CPEB1: variants seen among roughly 807,000 people sequenced by gnomAD.
CPEB1 encodes the protein cytoplasmic polyadenylation element binding protein 1, also known as cytoplasmic polyadenylation element-binding protein 1.
A neutral mutation model predicts 65.8 loss-of-function variants in CPEB1; 7 were observed. The observed-to-expected ratio is 0.11, with a 90% CI of 0.06 to 0.20. The LOEUF (loss-of-function observed/expected upper bound fraction) is 0.20, where lower values mean the gene tolerates loss of function less well. Ranked by LOEUF, CPEB1 falls within the 10% of genes least tolerant of loss-of-function variation. The probability of loss-of-function intolerance (pLI) is 1.00; values close to 1 mark genes in which losing one functional copy is unlikely to be tolerated. For synonymous variants in CPEB1, 262 were observed against 260.0 expected (o/e 1.01, Z -0.08); for missense variants, 551 against 712.2 (o/e 0.77, Z 2.58).
At chr15:82,641,009 G>A (rs143070603) in intron 1 of CPEB1, 4 of 152,074 alleles carry the variant, frequency 2.6e-5, no homozygotes, top group African/African-American at 9.7e-5. Context: ...TTTACAAATA[G>A]TACTAGTCTA....
intron 1 of CPEB1, among the ~76,000 whole-genome samples, chr15:82,631,653 G>A (rs969109207): frequency 6.6e-6 from 1 of 152,100 alleles, no homozygotes. Flanking sequence ...CTTGAGGAAG[G>A]ATCTATTGGC....
At chr15:82,629,950 T>G (rs2046100778) in intron 1 of CPEB1, 1 of 985,300 alleles carries the variant, frequency 1.0e-6, no homozygotes, top group South Asian at 4.7e-5. Context: ...ACGACCAAAA[T>G]ACACAATCCT....
chr15:82,567,929 CAG>C (rs2039422725), intron 4 of CPEB1, among the ~76,000 whole-genome samples: 1 of 152,172 alleles, frequency 6.6e-6, no homozygotes, highest in African/African-American at 2.4e-5. Context: ...AGCTGAGACT[CAG>C]GGATCAAGAT....
intron 8 of CPEB1, among the ~76,000 whole-genome samples, chr15:82,553,010 C>T (rs1040273232): frequency 6.6e-6 from 1 of 152,214 alleles, no homozygotes. Flanking sequence ...AAAATAGCAC[C>T]TGCTCCTTTC....
At chr15:82,632,756 C>T (rs546161504) in intron 1 of CPEB1, among the ~76,000 whole-genome samples, 1 of 151,852 alleles carries the variant, frequency 6.6e-6, no homozygotes, top group East Asian at 1.9e-4. Flanking sequence ...CTTGAATTCC[C>T]GGGCTCAAGC....
intron 3 of CPEB1, among the ~76,000 whole-genome samples, chr15:82,574,511 A>C (rs1192035518): frequency 2.0e-5 from 3 of 152,076 alleles, no homozygotes; most frequent in Non-Finnish European, 2.9e-5. Context: ...TGAGGTCAGG[A>C]GCTCAAGACC....
chr15:82,647,503 G>A (rs114736633), upstream of CPEB1: 8 of 225,782 alleles, frequency 3.5e-5, no homozygotes, highest in East Asian at 2.7e-4. Context: ...GTGTGAGAAA[G>A]AAACGTTCCG....
At chr15:82,623,531 C>T (rs2045497123) in intron 3 of CPEB1, among the ~76,000 whole-genome samples, 2 of 152,108 alleles carry the variant, frequency 1.3e-5, no homozygotes, top group Admixed American at 6.6e-5. Flanking sequence ...CAAAAATTAG[C>T]CAGGCGTGGT....
chr15:82,647,936 G>A (rs777554936), upstream of CPEB1: 21 of 1,185,210 alleles, frequency 1.8e-5, no homozygotes, highest in South Asian at 7.1e-4. Context: ...AGACGCGCAC[G>A]CACGTGGGCA....
chr15:82,581,603 C>T (rs140100471), intron 3 of CPEB1, among the ~76,000 whole-genome samples: 2 of 152,210 alleles, frequency 1.3e-5, no homozygotes, highest in Admixed American at 1.3e-4. Context: ...ATATCCTTGC[C>T]GACAATTTAC....
intron 1 of CPEB1, among the ~76,000 whole-genome samples, chr15:82,645,433 G>T (rs1349793080): frequency 6.6e-6 from 1 of 152,108 alleles, no homozygotes; most frequent in Non-Finnish European, 1.5e-5. Context: ...GATTAAAGGC[G>T]TGAGTCATGG....
At chr15:82,581,488 T>C (rs1314957113) in intron 3 of CPEB1, among the ~76,000 whole-genome samples, 4 of 152,204 alleles carry the variant, frequency 2.6e-5, no homozygotes, top group African/African-American at 9.7e-5. Context: ...CTGGATCATA[T>C]GGTAACACTA....
intron 4 of CPEB1, among the ~76,000 whole-genome samples, chr15:82,565,397 A>T (rs1046137321): frequency 2.0e-5 from 3 of 152,230 alleles, no homozygotes; most frequent in Non-Finnish European, 2.9e-5. Context: ...GCCCTATGTA[A>T]GGTTGCTGAG....
At chr15:82,642,479 T>C (rs1419762193) in intron 1 of CPEB1, among the ~76,000 whole-genome samples, 1 of 152,134 alleles carries the variant, frequency 6.6e-6, no homozygotes, top group African/African-American at 2.4e-5. Context: ...CCAGGGAGCT[T>C]TGAGGCTGCA....
At chr15:82,558,022 A>T in intron 4 of CPEB1, 36 bp from the exon 5 acceptor site, 1 of 1,446,484 alleles carries the variant, frequency 6.9e-7, no homozygotes, top group South Asian at 1.4e-5. Context: ...ATGACCTCTT[A>T]GTTTTCTTTG....
chr15:82,595,618 A>G (rs533637743), intron 3 of CPEB1, among the ~76,000 whole-genome samples: 2 of 152,262 alleles, frequency 1.3e-5, no homozygotes, highest in African/African-American at 4.8e-5. Context: ...TTACTGGTCA[A>G]CTTTGGAGAA....
intron 3 of CPEB1, among the ~76,000 whole-genome samples, chr15:82,617,496 T>C (rs527923503): frequency 2.0e-5 from 3 of 152,290 alleles, no homozygotes; most frequent in South Asian, 2.1e-4. Flanking sequence ...TGATGAATAA[T>C]GTGATATCCT....
intron 4 of CPEB1, among the ~76,000 whole-genome samples, chr15:82,567,635 C>CAA (rs562699626): frequency 1.4e-5 from 2 of 140,902 alleles, no homozygotes; most frequent in Non-Finnish European, 3.1e-5. Context: ...GACTCCATCT[C>CAA]AAAAAAAAAA....
intron 1 of CPEB1, chr15:82,629,257 T>C (rs2046033611): frequency 1.0e-6 from 1 of 985,138 alleles, no homozygotes; most frequent in Non-Finnish European, 1.2e-6. Flanking sequence ...GCATTTTGCA[T>C]GGCATACAGT....
Sources: gnomAD v4.1 joint callset for allele counts (sites outside exome capture counted in the v4.1 genomes callset) on GRCh38, gnomAD v4.1.1 for gene constraint, MANE v1.5 for transcripts, NCBI Gene and HGNC (gene_info 2026-07-23, HGNC 2026-07-21) for gene names.